Variants in KMT2E observed in about 807,000 individuals in gnomAD.
KMT2E encodes histone reader KMT2E.
A neutral mutation model predicts 184.6 loss-of-function variants in KMT2E; 30 were observed. The ratio of observed to expected loss-of-function variants is 0.16; its 90% CI spans 0.12 to 0.22. KMT2E has a LOEUF of 0.22. Among genes scored for constraint, KMT2E ranks in the 10% least tolerant of loss-of-function variants. The pLI is 1.00. For synonymous variants in KMT2E, 815 were observed against 776.5 expected, an observed-to-expected ratio of 1.05 and a Z score of -0.82; for missense variants, 2,023 against 2,237.4, an observed-to-expected ratio of 0.90 and a Z score of 1.93.
At chr7:105,060,469 C>T (rs1405820275) in intron 3 of KMT2E, among the ~76,000 whole-genome samples, 1 of 152,026 alleles carries the variant, frequency 6.6e-6, no homozygotes, top group African/African-American at 2.4e-5. Context: ...TTCTGTTGCC[C>T]AGGCTAGAGT....
At chr7:105,021,967 C>G (rs927782117) in intron 1 of KMT2E, among the ~76,000 whole-genome samples, 1 of 152,156 alleles carries the variant, frequency 6.6e-6, no homozygotes, top group African/African-American at 2.4e-5. Flanking sequence ...GTACCAAGAT[C>G]ACCGGACTTG....
intron 6 of KMT2E, among the ~76,000 whole-genome samples, chr7:105,069,206 TAGG>T (rs1357235196): frequency 6.6e-6 from 1 of 152,200 alleles, no homozygotes; most frequent in Non-Finnish European, 1.5e-5. Flanking sequence ...TAGACAAAGC[TAGG>T]AAGTATGTTT....
chr7:105,017,992 T>G lies in KMT2E; in HGVS notation c.-189+3457T>G, dbSNP rs538010064. 7.2e-5 allele frequency among the ~76,000 whole-genome samples: 11 copies of G among 152,292 alleles called. No homozygotes were observed. In the South Asian group the frequency reaches 1.5e-3, roughly 20 times the overall value. On this transcript the variant is annotated intron_variant, in intron 1 of 26. Coordinates refer to ENST00000311117, the MANE Select transcript of KMT2E (RefSeq NM_182931.3). ...TGCCCCCAGTAAGCTCTAGGACTTC[T>G]TGAGTCTATTGAGGCAGTAGGGAGA...
Position 105,062,158 on chromosome 7 carries a change from C to T in KMT2E, c.72-6C>T. Reference sequence around the variant, plus strand: ...AATTCTCTTTGATGCAACTTTTTCCCCCCAGACCAGAATCCGTAGAAGCTA... The same window carrying T: ...AATTCTCTTTGATGCAACTTTTTCCTCCCAGACCAGAATCCGTAGAAGCTA... On this transcript the variant is annotated splice_region_variant and splice_polypyrimidine_tract_variant and intron_variant, in intron 3 of 26. Coordinates refer to ENST00000311117, the MANE Select transcript of KMT2E (RefSeq NM_182931.3). The T allele has an allele frequency of 1.3e-6, 2 of 1,590,050 alleles. No individual in the cohort carries two copies. Among genetic ancestry groups the T allele is most frequent in the East Asian group, 2.2e-5 (1 of 44,724 alleles).
At position 105,053,147 on chromosome 7, in the gene KMT2E, C is replaced by G. The variant is rs1394061601; in HGVS notation, c.72-9017C>G. On this transcript the variant is annotated intron_variant, in intron 3 of 26. Coordinates refer to ENST00000311117, the MANE Select transcript of KMT2E (RefSeq NM_182931.3). Reference sequence around the variant, plus strand: ...TTGAATGCTAAGTTTTTTTAAGTCGCGGTTTTGGTTAATACCTGTTTTGGG... The same window carrying G: ...TTGAATGCTAAGTTTTTTTAAGTCGGGGTTTTGGTTAATACCTGTTTTGGG... Among the ~76,000 whole-genome samples, 4 of 152,042 alleles carry G rather than the reference C, an allele frequency of 2.6e-5. No individual in the cohort carries two copies. The East Asian group carries it at 7.7e-4, about 29-fold the overall frequency.
intron 6 of KMT2E, among the ~76,000 whole-genome samples, chr7:105,067,949 A>G (rs761140704): frequency 6.6e-6 from 1 of 152,144 alleles, no homozygotes; most frequent in Non-Finnish European, 1.5e-5. Flanking sequence ...CCCAGCTTAG[A>G]TGACAGAGTG....
rs893153191 is a variant in KMT2E at position 105,096,084 on chromosome 7, A to C, written c.1722+4770A>C. On this transcript the variant is annotated intron_variant, in intron 15 of 26. Coordinates refer to ENST00000311117, the MANE Select transcript of KMT2E (RefSeq NM_182931.3). ...AGACTGGGTGACATGGCAAAACTCCATCTCTACTAAAAATACAAAAATTAG... is the reference window on the plus strand; with the variant it reads ...AGACTGGGTGACATGGCAAAACTCCCTCTCTACTAAAAATACAAAAATTAG... Among the ~76,000 whole-genome samples, 48 of 151,950 alleles carry C rather than the reference A, an allele frequency of 3.2e-4. 1 individual carries two copies. Among genetic ancestry groups the C allele is most frequent in the African/African-American group, 1.1e-3 (47 of 41,390 alleles).
chr7:105,067,431 A>G (rs1797078650), intron 6 of KMT2E, among the ~76,000 whole-genome samples: 1 of 151,678 alleles, frequency 6.6e-6, no homozygotes, highest in African/African-American at 2.4e-5. Flanking sequence ...AAATCTTTTT[A>G]TTATGGACAT....
rs1349915609 is a variant in KMT2E, at chr7:105,113,469, T to TCTC, written c.*137_*139dup. ...CACCAGTGCTCTTTCGTTGTATTTT[T>TCTC]CTCATTTTTGCTTTTTAAAATTCCT... On this transcript the variant is annotated 3_prime_UTR_variant, in exon 27 of 27. Coordinates refer to ENST00000311117, the MANE Select transcript of KMT2E (RefSeq NM_182931.3). The TCTC allele has an allele frequency of 9.7e-7, 1 of 1,033,116 alleles. No homozygotes were observed. Among genetic ancestry groups the TCTC allele is most frequent in the Non-Finnish European group, 1.3e-6 (1 of 748,428 alleles). The allele number at this position is 1,033,116 out of a possible 1,614,324, so 64.0% of individuals were successfully genotyped here.
chr7:105,067,141 C>T (rs1323960698), intron 6 of KMT2E, among the ~76,000 whole-genome samples: 1 of 150,262 alleles, frequency 6.7e-6, no homozygotes, highest in Non-Finnish European at 1.5e-5. Context: ...CTAACATACG[C>T]TTTTCCATTT....
chr7:105,066,425 A>G (rs1379276287), intron 5 of KMT2E, among the ~76,000 whole-genome samples: 1 of 152,204 alleles, frequency 6.6e-6, no homozygotes, highest in Admixed American at 6.5e-5. Flanking sequence ...CTCATTAATT[A>G]CAAATAGTGT....
At chr7:105,109,286 T>C in intron 23 of KMT2E, 58 bp downstream of exon 23, 4 of 1,525,098 alleles carry the variant, frequency 2.6e-6, no homozygotes, top group Middle Eastern at 1.7e-4. Flanking sequence ...TCAAGTATTC[T>C]TCCTATTTGT....
chr7:105,071,582 GTA>G lies in KMT2E; in HGVS notation c.498-2011_498-2010del, dbSNP rs1554392567. Among the ~76,000 whole-genome samples the G allele has an allele frequency of 9.0e-3, 316 of 34,938 alleles. 5 individuals are homozygous for G. The highest frequency in any genetic ancestry group is 0.035 in the South Asian group (26 of 748). The allele number at this position is 34,938 out of a possible 152,430, so 22.9% of individuals were successfully genotyped here. A position where few individuals can be genotyped will look rare whatever the true frequency, so the allele number is the denominator to read the frequency against. On this transcript the variant is annotated intron_variant, in intron 6 of 26. Coordinates refer to ENST00000311117, the MANE Select transcript of KMT2E (RefSeq NM_182931.3). ...TGTATGTATGTATGTATGTGTGTGT[GTA>G]TATATATATATATATATATATATAT...
At chr7:105,023,547 C>G (rs1230215106) in intron 1 of KMT2E, among the ~76,000 whole-genome samples, 1 of 150,486 alleles carries the variant, frequency 6.6e-6, no homozygotes, top group Admixed American at 6.6e-5. Flanking sequence ...CGGGTTCATG[C>G]CATTCTCCTG....
intron 15 of KMT2E, among the ~76,000 whole-genome samples, chr7:105,097,852 C>G (rs569084411): frequency 5.9e-5 from 9 of 152,104 alleles, no homozygotes; most frequent in Non-Finnish European, 1.2e-4. Context: ...GGTTCTTACT[C>G]ATTTAAAAAC....
chr7:105,075,853 C>T (rs1797504645), intron 8 of KMT2E, among the ~76,000 whole-genome samples, 190 bp from the exon 9 acceptor site: 1 of 152,036 alleles, frequency 6.6e-6, no homozygotes, highest in Non-Finnish European at 1.5e-5. Flanking sequence ...CTCTCAACCA[C>T]ATTCTGTTTT....
At chr7:105,111,180 T>A (rs1799240881) in intron 26 of KMT2E, 2 of 252,590 alleles carry the variant, frequency 7.9e-6, no homozygotes, top group South Asian at 2.3e-4. Context: ...TTCTTAACCA[T>A]CCAATTATCT....
At chr7:105,063,303 T>C in intron 4 of KMT2E, 48 bp from the exon 5 acceptor site, 1 of 1,313,516 alleles carries the variant, frequency 7.6e-7, no homozygotes, top group Non-Finnish European at 1.1e-6. Flanking sequence ...GTTTATATCA[T>C]TGTTGAAATT....
intron 1 of KMT2E, among the ~76,000 whole-genome samples, chr7:105,028,208 G>A (rs1053731577): frequency 2.3e-4 from 34 of 149,130 alleles, no homozygotes; most frequent in African/African-American, 8.2e-4. Context: ...TGGCTCTGTC[G>A]CCCAGGCTGG....
Sources: allele counts gnomAD v4.1 joint callset (sites outside exome capture counted in the v4.1 genomes callset), GRCh38; gene constraint gnomAD v4.1.1; transcripts MANE v1.5; gene names NCBI Gene and HGNC (gene_info 2026-07-23, HGNC 2026-07-21).